Variants in GRID2 observed in about 807,000 individuals in gnomAD.
GRID2 encodes glutamate ionotropic receptor delta type subunit 2.
A neutral mutation model predicts 114.8 loss-of-function variants in GRID2; 33 were observed. The ratio of observed to expected loss-of-function variants is 0.29; its 90% CI spans 0.22 to 0.38. GRID2 has a LOEUF of 0.38. GRID2 is among the 10% of genes least tolerant of loss of function. The probability of loss-of-function intolerance (pLI) is 1.00; values close to 1 mark genes in which losing one functional copy is unlikely to be tolerated. For missense variants in GRID2, 1,184 were observed against 1,257.7 expected (o/e 0.94, Z 0.89); for synonymous variants, 505 against 449.9 (o/e 1.12, Z -1.55).
chr4:92,931,473 G>T (rs1750230430), intron 2 of GRID2, among the ~76,000 whole-genome samples: 1 of 150,706 alleles, frequency 6.6e-6, no homozygotes. Context: ...AATTCTTATG[G>T]TAGTGTAATT....
rs116678574 is a variant in GRID2 at position 93,649,571 on chromosome 4, C to T, written c.2360+23136C>T. On this transcript the variant is annotated intron_variant, in intron 14 of 15. Coordinates refer to ENST00000282020, the MANE Select transcript of GRID2 (RefSeq NM_001510.4). Reference sequence around the variant, plus strand: ...AAGTCTATACTCCGAGTATTTTCTCCCTGCATCACACCATAAAGTCTATAG... The same window carrying T: ...AAGTCTATACTCCGAGTATTTTCTCTCTGCATCACACCATAAAGTCTATAG... Among the ~76,000 whole-genome samples the T allele has an allele frequency of 3.6e-3, 553 of 152,144 alleles. 2 individuals carry two copies. Among genetic ancestry groups the T allele is most frequent in the African/African-American group, 0.013 (530 of 41,532 alleles).
chr4:92,311,141 T>A (rs1725687194), intron 1 of GRID2, among the ~76,000 whole-genome samples: 1 of 152,060 alleles, frequency 6.6e-6, no homozygotes, highest in African/African-American at 2.4e-5. Flanking sequence ...TAACACTAAT[T>A]GGAGGGATGA....
intron 14 of GRID2, among the ~76,000 whole-genome samples, chr4:93,722,766 A>G (rs565138425): frequency 3.3e-5 from 5 of 152,284 alleles, no homozygotes; most frequent in Admixed American, 6.5e-5. Context: ...CTCATATTTT[A>G]TCATACACTA....
intron 1 of GRID2, among the ~76,000 whole-genome samples, chr4:93,803,715 T>C (rs1274558223): frequency 1.3e-5 from 2 of 151,762 alleles, no homozygotes; most frequent in Non-Finnish European, 2.9e-5. Flanking sequence ...GTGTGAGACT[T>C]CGTCTCAAAA....
intron 8 of GRID2, among the ~76,000 whole-genome samples, chr4:93,366,212 C>T (rs1371478684): frequency 6.6e-6 from 1 of 152,152 alleles, no homozygotes; most frequent in African/African-American, 2.4e-5. Context: ...GGAACAGAGC[C>T]ATATTTCTCT....
intron 1 of GRID2, among the ~76,000 whole-genome samples, chr4:92,557,755 G>A (rs1312679230): frequency 2.0e-5 from 3 of 151,612 alleles, no homozygotes; most frequent in African/African-American, 7.3e-5. Context: ...ACATCCTCTA[G>A]TCCTAGGTTT....
intron 8 of GRID2, among the ~76,000 whole-genome samples, chr4:93,310,348 T>G (rs1755881362): frequency 6.6e-6 from 1 of 151,986 alleles, no homozygotes; most frequent in Non-Finnish European, 1.5e-5. Flanking sequence ...GGTAAAACTC[T>G]GTCTCTACTA....
chr4:92,330,510 A>G (rs1374522882), intron 1 of GRID2, among the ~76,000 whole-genome samples: 2 of 152,152 alleles, frequency 1.3e-5, no homozygotes, highest in African/African-American at 4.8e-5. Context: ...ATTTATAAAT[A>G]GAGTTGGTAA....
intron 13 of GRID2, among the ~76,000 whole-genome samples, chr4:93,557,477 CA>C (rs1734435845): frequency 6.6e-6 from 1 of 151,978 alleles, no homozygotes; most frequent in African/African-American, 2.4e-5. Context: ...CAACAAAGAT[CA>C]AAAAAGACAA....
chr4:93,534,538 T>G (rs565240351), intron 13 of GRID2, among the ~76,000 whole-genome samples: 2 of 152,256 alleles, frequency 1.3e-5, no homozygotes, highest in South Asian at 2.1e-4. Context: ...TTTGCCTTTT[T>G]CACTCACTGA....
intron 1 of GRID2, among the ~76,000 whole-genome samples, chr4:93,806,181 T>C (rs1735025494): frequency 6.6e-6 from 1 of 152,246 alleles, no homozygotes; most frequent in South Asian, 2.1e-4. Flanking sequence ...TTTGTGATTA[T>C]AAACATAGTA....
intron 2 of GRID2, among the ~76,000 whole-genome samples, chr4:93,038,425 T>A (rs1725136024): frequency 6.6e-6 from 1 of 152,062 alleles, no homozygotes; most frequent in African/African-American, 2.4e-5. Context: ...TCATCACTGG[T>A]CATTAGAGAA....
intron 14 of GRID2, among the ~76,000 whole-genome samples, chr4:93,699,693 A>G (rs1159007989): frequency 1.3e-5 from 2 of 152,112 alleles, no homozygotes; most frequent in Non-Finnish European, 2.9e-5. Flanking sequence ...AACCCTGAGT[A>G]TGAAAGGGAG....
intron 1 of GRID2, among the ~76,000 whole-genome samples, chr4:92,454,007 A>T (rs62312224): frequency 6.6e-6 from 1 of 152,120 alleles, no homozygotes; most frequent in Non-Finnish European, 1.5e-5. Flanking sequence ...CACAGCCAAA[A>T]CATAATTAGA....
intron 8 of GRID2, among the ~76,000 whole-genome samples, chr4:93,269,422 A>G (rs567251966): frequency 6.6e-6 from 1 of 152,372 alleles, no homozygotes; most frequent in South Asian, 2.1e-4. Context: ...TAGAAGGTCC[A>G]GCCTGTGTAG....
At chr4:92,781,460 AATT>A (rs1415935979) in intron 2 of GRID2, among the ~76,000 whole-genome samples, 1 of 152,106 alleles carries the variant, frequency 6.6e-6, no homozygotes, top group Non-Finnish European at 1.5e-5. Flanking sequence ...ATATAAACTT[AATT>A]ATTTTACATT....
chr4:93,005,805 T>C (rs1394295114), intron 2 of GRID2, among the ~76,000 whole-genome samples: 3 of 152,110 alleles, frequency 2.0e-5, no homozygotes, highest in Non-Finnish European at 2.9e-5. Flanking sequence ...AGGTTGCACG[T>C]TGTACGTTTC....
chr4:93,583,636 C>T lies in GRID2; in HGVS notation c.2194-42633C>T, dbSNP rs114768637. On this transcript the variant is annotated intron_variant, in intron 13 of 15. Transcript: ENST00000282020. ...GTTCAAAAAGGCTCAGTAACTTGAC[C>T]AGCATTATATACCTAGGAAGTGGCA... Among the ~76,000 whole-genome samples the T allele has an allele frequency of 8.4e-3, 1,282 of 152,122 alleles. 14 individuals are homozygous for T. Among genetic ancestry groups the T allele is most frequent in the African/African-American group, 0.029 (1,195 of 41,490 alleles).
At chr4:92,320,875 A>G (rs1726279088) in intron 1 of GRID2, among the ~76,000 whole-genome samples, 1 of 152,182 alleles carries the variant, frequency 6.6e-6, no homozygotes, top group South Asian at 2.1e-4. Flanking sequence ...CTAATTTAAG[A>G]GAATGGCACC....
Sources: gnomAD v4.1 joint callset for allele counts (sites outside exome capture counted in the v4.1 genomes callset) on GRCh38, gnomAD v4.1.1 for gene constraint, MANE v1.5 for transcripts, NCBI Gene and HGNC (gene_info 2026-07-23, HGNC 2026-07-21) for gene names.